The following CELF2 variants were observed in gnomAD, a reference collection of about 807,000 sequenced individuals.
The protein encoded by CELF2 is CUG triplet repeat RNA-binding protein 2.
Under a neutral mutation model 62.6 loss-of-function variants are expected in CELF2, and 8 were observed. That is an observed-to-expected ratio of 0.13 (90% confidence interval 0.07 to 0.23). CELF2 has a LOEUF of 0.23. Among genes scored for constraint, CELF2 ranks in the 10% least tolerant of loss-of-function variants. The pLI, the probability that CELF2 is intolerant of heterozygous loss-of-function variation, is 1.00. For synonymous variants in CELF2, 258 were observed against 250.0 expected, an observed-to-expected ratio of 1.03 and a Z score of -0.30; for missense variants, 333 against 671.0, an observed-to-expected ratio of 0.50 and a Z score of 5.56.
intron 1 of CELF2, among the ~76,000 whole-genome samples, chr10:10,837,499 A>C (rs74115430): frequency 0.074 from 11,196 of 152,114 alleles, 652 homozygotes; most frequent in East Asian, 0.19. Flanking sequence ...CAGAATTTTT[A>C]TTGCACCTTC....
At position 11,246,581 on chromosome 10, in the gene CELF2, C is replaced by G. The variant is rs985220712; in HGVS notation, c.355-2572C>G. Among the ~76,000 whole-genome samples the G allele has an allele frequency of 6.6e-6, 1 of 152,172 alleles. No individual in the cohort carries two copies. Among genetic ancestry groups the G allele is most frequent in the Non-Finnish European group, 1.5e-5 (1 of 68,042 alleles). On this transcript the variant is annotated intron_variant, in intron 3 of 12. Transcript: ENST00000633077. This position sits in a 1 kb window ranked among gnomAD's most constrained non-coding sequence, Gnocchi z 4.6. ...TTATTGCCAGATCCAAATTCTTTGG[C>G]CTCTCACAGTGTTTGCTGTGGCCTG...
intron 2 of CELF2, chr10:10,927,324 T>G (rs962239477): frequency 9.3e-6 from 1 of 107,270 alleles, no homozygotes; most frequent in East Asian, 2.9e-4. Flanking sequence ...TACCCAACAC[T>G]CAAAGGAGAA....
chr10:10,826,945 A>G (rs1343863894), intron 1 of CELF2, among the ~76,000 whole-genome samples: 1 of 152,180 alleles, frequency 6.6e-6, no homozygotes, highest in Non-Finnish European at 1.5e-5. Flanking sequence ...ACAGAGTCAT[A>G]ACTGGTTGGG....
chr10:10,500,663 G>T, the CELF2 span, among the ~76,000 whole-genome samples: 2 of 152,094 alleles, frequency 1.3e-5, no homozygotes, highest in Non-Finnish European at 2.9e-5. Context: ...TTTCTCAGCA[G>T]CATGAAAATG....
intron 1 of CELF2, among the ~76,000 whole-genome samples, chr10:11,096,137 G>A (rs1435188963): frequency 6.6e-6 from 1 of 152,204 alleles, no homozygotes. Flanking sequence ...CAGAGGAAAT[G>A]CATTTACTTC....
At chr10:11,107,349 T>A (rs549447904) in intron 1 of CELF2, among the ~76,000 whole-genome samples, 1 of 152,254 alleles carries the variant, frequency 6.6e-6, no homozygotes, top group Admixed American at 6.5e-5. Flanking sequence ...CAGATGTGTG[T>A]GTTGATGTGG....
Position 11,314,420 on chromosome 10 carries a change from ACTC to A in CELF2, c.1096+163_1096+165del. The A allele has an allele frequency of 1.1e-6, 1 of 892,524 alleles. No individual in the cohort carries two copies. Among genetic ancestry groups the A allele is most frequent in the Non-Finnish European group, 1.8e-6 (1 of 556,918 alleles). 55.3% of individuals were successfully genotyped at this position (892,524 alleles called of 1,614,324 possible). ...GCTTTGATAGGCAAAAGCTGTCTAC[ACTC>A]GTTTTGCCTCAGAAAATCCCCAACC... On this transcript the variant is annotated intron_variant, in intron 10 of 12. Transcript: ENST00000633077. This position sits in a 1 kb window ranked among gnomAD's most constrained non-coding sequence, Gnocchi z 5.3.
the CELF2 span, among the ~76,000 whole-genome samples, chr10:10,730,722 G>C: frequency 6.6e-6 from 1 of 152,152 alleles, no homozygotes; most frequent in South Asian, 2.1e-4. Context: ...TGGCCCTTTT[G>C]TGGATGAGGG....
chr10:11,141,776 G>T (rs2061389835), intron 1 of CELF2, among the ~76,000 whole-genome samples: 1 of 152,206 alleles, frequency 6.6e-6, no homozygotes, highest in Admixed American at 6.5e-5. Context: ...CTGCCCTCAA[G>T]ACATTTAGTC....
At chr10:11,232,564 A>G (rs1301796127) in intron 3 of CELF2, among the ~76,000 whole-genome samples, 3 of 152,238 alleles carry the variant, frequency 2.0e-5, no homozygotes, top group Non-Finnish European at 4.4e-5. Flanking sequence ...TGGCTCGGAA[A>G]GAAGGGAAAG....
At chr10:10,900,605 A>G (rs1339475446) in intron 1 of CELF2, among the ~76,000 whole-genome samples, 1 of 152,152 alleles carries the variant, frequency 6.6e-6, no homozygotes, top group East Asian at 1.9e-4. Context: ...CCCTCCTGCT[A>G]TAGCATTTAA....
At chr10:10,645,619 A>G in the CELF2 span, among the ~76,000 whole-genome samples, 22 of 152,294 alleles carry the variant, frequency 1.4e-4, no homozygotes, top group East Asian at 3.1e-3. Context: ...GCACCACCGC[A>G]CTTCAGCCTA....
chr10:11,283,310 C>A (rs2089663926), intron 8 of CELF2, among the ~76,000 whole-genome samples: 1 of 152,248 alleles, frequency 6.6e-6, no homozygotes, highest in South Asian at 2.1e-4. Flanking sequence ...ATTTCTTCCC[C>A]ACTCCCTGAC....
chr10:11,084,840 G>C (rs957548590), intron 1 of CELF2, among the ~76,000 whole-genome samples: 5 of 152,068 alleles, frequency 3.3e-5, no homozygotes, highest in African/African-American at 1.2e-4. Flanking sequence ...GCAACAAAGA[G>C]GTCATTATCG....
the CELF2 span, among the ~76,000 whole-genome samples, chr10:10,772,739 ATAAT>A: frequency 4.3e-4 from 66 of 152,348 alleles, no homozygotes; most frequent in Admixed American, 1.4e-3. Context: ...TCCCCATGAG[ATAAT>A]TAAATACAAA....
rs1215418900 is a variant in CELF2, at chr10:11,329,073, C to G, written c.*20C>G. The G allele has an allele frequency of 1.2e-6, 2 of 1,600,646 alleles. No homozygotes were observed. Among genetic ancestry groups the G allele is most frequent in the African/African-American group, 2.7e-5 (2 of 74,538 alleles). ...TACTGATCCTAACCCCAGAGGCTCC[C>G]TGCTCTCATTTTAGCTTTCTTAGGG... On this transcript the variant is annotated 3_prime_UTR_variant, in exon 13 of 13. Coordinates refer to ENST00000633077, the MANE Select transcript of CELF2 (RefSeq NM_001326342.2). This position sits in a 1 kb window ranked among gnomAD's most constrained non-coding sequence, Gnocchi z 5.5.
chr10:11,063,131 A>C (rs942766692), intron 1 of CELF2, among the ~76,000 whole-genome samples: 10 of 152,252 alleles, frequency 6.6e-5, no homozygotes, highest in Non-Finnish European at 1.3e-4. Flanking sequence ...AGTATAGTGT[A>C]AACATGATTT....
chr10:10,524,949 C>T, the CELF2 span, among the ~76,000 whole-genome samples: 3 of 152,104 alleles, frequency 2.0e-5, no homozygotes, highest in Non-Finnish European at 4.4e-5. Flanking sequence ...TCGCTCTAGT[C>T]CTAATGTAGA....
intron 1 of CELF2, among the ~76,000 whole-genome samples, chr10:10,841,663 T>C (rs2058695185): frequency 6.6e-6 from 1 of 152,176 alleles, no homozygotes; most frequent in Non-Finnish European, 1.5e-5. Flanking sequence ...TTGATTATTA[T>C]GAGTATAGCT....
Sources: gnomAD v4.1 joint callset for allele counts (sites outside exome capture counted in the v4.1 genomes callset) on GRCh38, gnomAD v4.1.1 for gene constraint, Gnocchi (gnomAD v3.1) non-coding constraint, MANE v1.5 for transcripts, NCBI Gene and HGNC (gene_info 2026-07-23, HGNC 2026-07-21) for gene names.